ANKRD44: variants seen among roughly 807,000 people sequenced by gnomAD.
ANKRD44 encodes ankyrin repeat domain 44.
A neutral mutation model predicts 116.0 loss-of-function variants in ANKRD44; 35 were observed. The ratio of observed to expected loss-of-function variants is 0.30; its 90% CI spans 0.23 to 0.40. ANKRD44 has a LOEUF of 0.40. Ranked by LOEUF, ANKRD44 falls within the 10% of genes least tolerant of loss-of-function variation. The pLI is 1.00. For missense variants in ANKRD44, 1,014 were observed against 1,242.6 expected (o/e 0.82, Z 2.77); for synonymous variants, 435 against 461.8 (o/e 0.94, Z 0.74).
Position 197,007,484 on chromosome 2 carries a change from T to C in ANKRD44, c.2130+322A>G, listed in dbSNP as rs761026903. The stretch of plus-strand genomic sequence containing the variant: ...CTTCTCTGGGCTTTAAAAAAAAATA[T>C]TCTGCAAATTTTCTATGATATACTT... On this transcript the variant is annotated intron_variant, in intron 20 of 27. Coordinates refer to ENST00000282272, the MANE Select transcript of ANKRD44 (RefSeq NM_001195144.2). Among the ~76,000 whole-genome samples, 38 of 152,294 alleles carry C rather than the reference T, an allele frequency of 2.5e-4. 1 individual carries two copies. Among genetic ancestry groups the C allele is most frequent in the Admixed American group, 2.5e-3 (38 of 15,290 alleles).
At position 197,053,307 on chromosome 2, in the gene ANKRD44, T is replaced by C. The variant is rs185865423; in HGVS notation, c.1650+25396A>G. On this transcript the variant is annotated intron_variant, in intron 16 of 27. Transcript: ENST00000282272. ...AATGGAAACAGTAGTTATGTCTGGA[T>C]GGTGGGATCATAGGGGATTTCTATT... Among the ~76,000 whole-genome samples, 7 of 152,326 alleles carry C rather than the reference T, an allele frequency of 4.6e-5. No homozygotes were observed. The East Asian group carries it at 1.3e-3, about 29-fold the overall frequency.
At chr2:197,111,635 T>A in intron 8 of ANKRD44, among the ~76,000 whole-genome samples, 1 of 84,818 alleles carries the variant, frequency 1.2e-5, no homozygotes. Context: ...TGAGACTCTG[T>A]CTCAAAAAAA....
intron 1 of ANKRD44, among the ~76,000 whole-genome samples, chr2:197,233,029 A>G (rs1158836290): frequency 1.3e-5 from 2 of 152,228 alleles, no homozygotes; most frequent in Non-Finnish European, 2.9e-5. Flanking sequence ...AAAACTGGTA[A>G]CTGTACAAAA....
intron 3 of ANKRD44, among the ~76,000 whole-genome samples, chr2:197,142,575 T>C (rs1385392717): frequency 6.6e-6 from 1 of 152,170 alleles, no homozygotes; most frequent in Non-Finnish European, 1.5e-5. Context: ...GAGTTGCCTT[T>C]ATGGCCAATT....
chr2:197,017,087 A>T (rs2076406667), intron 17 of ANKRD44, among the ~76,000 whole-genome samples: 1 of 152,252 alleles, frequency 6.6e-6, no homozygotes, highest in Non-Finnish European at 1.5e-5. Flanking sequence ...CATGCCCAGT[A>T]TTAGATAAGA....
At chr2:197,000,627 T>C in intron 22 of ANKRD44, 125 bp from the exon 23 acceptor site, 1 of 746,382 alleles carries the variant, frequency 1.3e-6, no homozygotes, top group Non-Finnish European at 2.3e-6. Flanking sequence ...ACGTAAATAT[T>C]TGTGGTATAT....
At chr2:197,174,922 A>G (rs767536181) in intron 2 of ANKRD44, among the ~76,000 whole-genome samples, 1 of 152,244 alleles carries the variant, frequency 6.6e-6, no homozygotes, top group Non-Finnish European at 1.5e-5. Flanking sequence ...ATGCAAAAAC[A>G]TGAATGACAC....
At chr2:197,156,030 A>G (rs1276704297) in intron 2 of ANKRD44, among the ~76,000 whole-genome samples, 1 of 152,248 alleles carries the variant, frequency 6.6e-6, no homozygotes, top group Non-Finnish European at 1.5e-5. Context: ...AAAGATATAC[A>G]GATAGCAAAT....
intron 1 of ANKRD44, among the ~76,000 whole-genome samples, chr2:197,195,161 TG>T (rs2080917970): frequency 6.6e-6 from 1 of 152,126 alleles, no homozygotes; most frequent in Admixed American, 6.5e-5. Context: ...AATATTTTTT[TG>T]TGGAGACAGG....
At chr2:197,006,579 T>G (rs1277816562) in intron 20 of ANKRD44, among the ~76,000 whole-genome samples, 2 of 152,108 alleles carry the variant, frequency 1.3e-5, no homozygotes, top group East Asian at 3.9e-4. Context: ...CACCTATATA[T>G]AAGAATAGTA....
intron 1 of ANKRD44, among the ~76,000 whole-genome samples, chr2:197,208,835 G>A (rs2081265616): frequency 6.6e-6 from 1 of 152,062 alleles, no homozygotes; most frequent in South Asian, 2.1e-4. Flanking sequence ...AAAAAGAATA[G>A]CTTTCTCTTT....
intron 1 of ANKRD44, among the ~76,000 whole-genome samples, chr2:197,189,949 G>C (rs2080783185): frequency 6.6e-6 from 1 of 152,146 alleles, no homozygotes; most frequent in African/African-American, 2.4e-5. Context: ...AGCATTCCAA[G>C]CTATGGCTGG....
intron 3 of ANKRD44, among the ~76,000 whole-genome samples, chr2:197,144,237 G>A (rs1478407729): frequency 2.0e-5 from 3 of 152,206 alleles, no homozygotes; most frequent in Non-Finnish European, 4.4e-5. Context: ...CAGGAATTTA[G>A]CAAGCTTGGG....
intron 1 of ANKRD44, among the ~76,000 whole-genome samples, chr2:197,196,500 TA>T (rs2125639769): frequency 1.3e-5 from 2 of 152,368 alleles, no homozygotes; most frequent in African/African-American, 4.8e-5. Context: ...TGAGTAATTT[TA>T]ATTTTTGAGA....
intron 1 of ANKRD44, among the ~76,000 whole-genome samples, chr2:197,234,465 T>A (rs1349391433): frequency 5.3e-5 from 8 of 152,260 alleles, no homozygotes; most frequent in African/African-American, 9.6e-5. Flanking sequence ...GTGCTGGGAT[T>A]ACAGGCGTGA....
At chr2:197,241,524 T>C (rs1183987273) in intron 1 of ANKRD44, among the ~76,000 whole-genome samples, 1 of 152,186 alleles carries the variant, frequency 6.6e-6, no homozygotes, top group Non-Finnish European at 1.5e-5. Flanking sequence ...GCAACTATCT[T>C]GGGTCCAGAA....
intron 10 of ANKRD44, among the ~76,000 whole-genome samples, chr2:197,095,066 A>G (rs2078130313): frequency 6.6e-6 from 1 of 152,004 alleles, no homozygotes; most frequent in African/African-American, 2.4e-5. Flanking sequence ...TTCTCCCATT[A>G]TTTCTCCAAC....
At chr2:197,003,473 C>A (rs1397945823) in intron 21 of ANKRD44, among the ~76,000 whole-genome samples, 1 of 152,140 alleles carries the variant, frequency 6.6e-6, no homozygotes, top group Non-Finnish European at 1.5e-5. Context: ...CTATATGAAT[C>A]CCAATTTAAG....
chr2:197,031,120 C>T (rs1163572253), intron 16 of ANKRD44, among the ~76,000 whole-genome samples: 2 of 151,578 alleles, frequency 1.3e-5, no homozygotes, highest in Non-Finnish European at 2.9e-5. Context: ...GCTTGTCAAG[C>T]GGAAAACACA....
Sources: allele counts gnomAD v4.1 joint callset (sites outside exome capture counted in the v4.1 genomes callset), GRCh38; gene constraint gnomAD v4.1.1; transcripts MANE v1.5; gene names NCBI Gene and HGNC (gene_info 2026-07-23, HGNC 2026-07-21).